The following CSMD1 variants were observed in gnomAD, a reference collection of about 807,000 sequenced individuals.
CSMD1 encodes the protein CUB and sushi domain-containing protein 1.
In CSMD1, 213 loss-of-function variants were observed where a neutral mutation model predicts 417.5. That is an observed-to-expected ratio of 0.51 (90% CI 0.46 to 0.57). The LOEUF (loss-of-function observed/expected upper bound fraction) is 0.57, where lower values mean the gene tolerates loss of function less well. Among genes scored for constraint, CSMD1 ranks in the 20% least tolerant of loss-of-function variants. CSMD1 has a pLI of 0.00. For missense variants in CSMD1, 6,923 were observed against 4,529.7 expected, an observed-to-expected ratio of 1.53 and a Z score of -15.17; for synonymous variants, 2,862 against 1,736.8, an observed-to-expected ratio of 1.65 and a Z score of -16.11.
At chr8:3,123,289 A>C (rs554079987) in intron 41 of CSMD1, among the ~76,000 whole-genome samples, 105 of 152,066 alleles carry the variant, frequency 6.9e-4, no homozygotes, top group Non-Finnish European at 1.3e-3. Flanking sequence ...GCCAGGGACC[A>C]CTCCAGGCTG....
At chr8:3,401,231 G>A (rs886517236) in intron 15 of CSMD1, among the ~76,000 whole-genome samples, 1 of 151,936 alleles carries the variant, frequency 6.6e-6, no homozygotes, top group South Asian at 2.1e-4. Context: ...TGATAGTTGA[G>A]CAATTTCTAA....
intron 1 of CSMD1, among the ~76,000 whole-genome samples, chr8:4,658,118 C>A (rs926776183): frequency 6.6e-6 from 1 of 151,692 alleles, no homozygotes; most frequent in African/African-American, 2.4e-5. Context: ...CACCATGAAA[C>A]ATAACAATAT....
chr8:4,909,209 G>A (rs537743911), intron 1 of CSMD1, among the ~76,000 whole-genome samples: 206 of 152,290 alleles, frequency 1.4e-3, no homozygotes, highest in African/African-American at 4.8e-3. Context: ...GCCTGTTGCT[G>A]TGGTAGTGAG....
chr8:4,317,602 G>A (rs1324355485), intron 3 of CSMD1, among the ~76,000 whole-genome samples: 5 of 9,556 alleles, frequency 5.2e-4, no homozygotes, highest in African/African-American at 1.5e-3. Context: ...AGAGGAGAGA[G>A]GGGAGAGAGA....
chr8:4,944,461 A>G (rs1328978737), intron 1 of CSMD1, among the ~76,000 whole-genome samples: 1 of 152,218 alleles, frequency 6.6e-6, no homozygotes, highest in Non-Finnish European at 1.5e-5. Flanking sequence ...TGAAATCCTC[A>G]TTTGACTAAC....
chr8:3,303,564 C>T (rs774539879), intron 25 of CSMD1, among the ~76,000 whole-genome samples: 14 of 152,280 alleles, frequency 9.2e-5, no homozygotes, highest in Non-Finnish European at 1.8e-4. Flanking sequence ...CAATTTTCTG[C>T]TAACAATTAG....
At chr8:4,534,638 G>A (rs564421192) in intron 2 of CSMD1, among the ~76,000 whole-genome samples, 2 of 151,982 alleles carry the variant, frequency 1.3e-5, no homozygotes, top group South Asian at 2.1e-4. Flanking sequence ...CATTTTTATG[G>A]CCATGTGTGC....
At chr8:4,766,798 T>C (rs1180078869) in intron 1 of CSMD1, among the ~76,000 whole-genome samples, 1 of 152,218 alleles carries the variant, frequency 6.6e-6, no homozygotes, top group African/African-American at 2.4e-5. Flanking sequence ...GGATTCTACA[T>C]ATGTTACATC....
intron 3 of CSMD1, among the ~76,000 whole-genome samples, chr8:4,092,881 C>T (rs76684110): frequency 6.6e-6 from 1 of 152,148 alleles, no homozygotes; most frequent in African/African-American, 2.4e-5. Flanking sequence ...TAAATAATTA[C>T]TTCTGGACTT....
chr8:3,158,930 G>A (rs1375744480), intron 38 of CSMD1, among the ~76,000 whole-genome samples: 1 of 152,094 alleles, frequency 6.6e-6, no homozygotes, highest in Non-Finnish European at 1.5e-5. Context: ...AGTTATCAAT[G>A]GCAAACCGAT....
intron 12 of CSMD1, among the ~76,000 whole-genome samples, chr8:3,458,953 C>T (rs7464854): frequency 0.77 from 117,213 of 152,166 alleles, 45,575 homozygotes; most frequent in African/African-American, 0.89. Flanking sequence ...TCCCAGTGAG[C>T]TGTCCAGGAG....
chr8:3,167,204 G>C (rs1257647196), intron 37 of CSMD1, among the ~76,000 whole-genome samples: 1 of 150,116 alleles, frequency 6.7e-6, no homozygotes, highest in South Asian at 2.1e-4. Context: ...AGAAGTGCTT[G>C]AACCCAGGAG....
At chr8:3,418,129 G>C (rs146011334) in intron 12 of CSMD1, among the ~76,000 whole-genome samples, 11 of 152,296 alleles carry the variant, frequency 7.2e-5, no homozygotes, top group African/African-American at 2.6e-4. Flanking sequence ...TGCTTTGTTT[G>C]ACTGAAACAA....
intron 3 of CSMD1, among the ~76,000 whole-genome samples, chr8:4,417,716 C>A (rs547286476): frequency 6.6e-6 from 1 of 151,900 alleles, no homozygotes; most frequent in East Asian, 1.9e-4. Flanking sequence ...TCTGAGGTAT[C>A]AGAAAGAGAA....
At chr8:3,560,090 C>T (rs570413823) in intron 10 of CSMD1, among the ~76,000 whole-genome samples, 99 of 152,094 alleles carry the variant, frequency 6.5e-4, no homozygotes, top group Non-Finnish European at 1.2e-3. Context: ...AGAAAAGACA[C>T]CCAGAGATTC....
At chr8:3,452,850 T>C (rs1044330094) in intron 12 of CSMD1, among the ~76,000 whole-genome samples, 1 of 152,170 alleles carries the variant, frequency 6.6e-6, no homozygotes, top group African/African-American at 2.4e-5. Flanking sequence ...TTAGGGAGGA[T>C]TCCCTCTTTT....
intron 46 of CSMD1, among the ~76,000 whole-genome samples, chr8:3,104,774 C>A (rs1816010960): frequency 6.8e-6 from 1 of 146,694 alleles, no homozygotes; most frequent in East Asian, 2.0e-4. Flanking sequence ...ATGGCAAGAT[C>A]TCGGCTCACT....
At chr8:4,414,163 T>A (rs1022003823) in intron 3 of CSMD1, among the ~76,000 whole-genome samples, 4 of 152,156 alleles carry the variant, frequency 2.6e-5, no homozygotes, top group Non-Finnish European at 5.9e-5. Flanking sequence ...GCTTTGAGCT[T>A]GAAGAGTAAT....
chr8:4,163,924 C>G (rs1233190950), intron 3 of CSMD1, among the ~76,000 whole-genome samples: 1 of 152,104 alleles, frequency 6.6e-6, no homozygotes, highest in African/African-American at 2.4e-5. Context: ...AGGTGACTTT[C>G]CATCTGTTAT....
Sources: allele counts gnomAD v4.1 joint callset (sites outside exome capture counted in the v4.1 genomes callset), GRCh38; gene constraint gnomAD v4.1.1; transcripts MANE v1.5; gene names NCBI Gene and HGNC (gene_info 2026-07-23, HGNC 2026-07-21).